EPHB1: variants seen among roughly 807,000 people sequenced by gnomAD.
The protein encoded by EPHB1 is ephrin type-B receptor 1.
In EPHB1, 30 loss-of-function variants were observed where a neutral mutation model predicts 94.4. The ratio of observed to expected loss-of-function variants is 0.32; its 90% confidence interval spans 0.24 to 0.43. The LOEUF (loss-of-function observed/expected upper bound fraction) is 0.43, where lower values mean the gene tolerates loss of function less well. EPHB1 is among the 20% of genes least tolerant of loss of function. EPHB1 has a pLI of 1.00. For synonymous variants in EPHB1, 522 were observed against 489.1 expected, an observed-to-expected ratio of 1.07 and a Z score of -0.89; for missense variants, 1,055 against 1,308.3, an observed-to-expected ratio of 0.81 and a Z score of 2.99.
chr3:135,068,797 T>C (rs1056187520), intron 3 of EPHB1, among the ~76,000 whole-genome samples: 81 of 151,592 alleles, frequency 5.3e-4, no homozygotes, highest in African/African-American at 1.9e-3. Flanking sequence ...TACAGGTGCC[T>C]GCCACCACAC....
chr3:135,253,707 G>A (rs1240603370), intron 15 of EPHB1, among the ~76,000 whole-genome samples: 1 of 146,352 alleles, frequency 6.8e-6, no homozygotes, highest in South Asian at 2.2e-4. Context: ...CTCTTTTTTG[G>A]TTCCATATGA....
chr3:135,150,247 C>T (rs1426172940), intron 5 of EPHB1, among the ~76,000 whole-genome samples: 3 of 152,198 alleles, frequency 2.0e-5, no homozygotes, highest in African/African-American at 4.8e-5. Context: ...TGACGTGATT[C>T]ACAACATGTA....
chr3:134,861,809 C>T (rs2108304124), intron 1 of EPHB1, among the ~76,000 whole-genome samples: 1 of 152,254 alleles, frequency 6.6e-6, no homozygotes, highest in South Asian at 2.1e-4. Context: ...TGCAGCAAAC[C>T]ACTATGGCAC....
intron 3 of EPHB1, among the ~76,000 whole-genome samples, chr3:135,084,572 C>T (rs1360323814): frequency 2.0e-5 from 3 of 152,140 alleles, no homozygotes; most frequent in Non-Finnish European, 4.4e-5. Context: ...CAGATCGATG[C>T]ATCTAATCTA....
chr3:134,799,341 G>T (rs1270675160), intron 1 of EPHB1, among the ~76,000 whole-genome samples: 1 of 152,218 alleles, frequency 6.6e-6, no homozygotes, highest in East Asian at 1.9e-4. Flanking sequence ...CCATGAACGT[G>T]CTTGAGCCTA....
chr3:134,841,037 GC>G (rs1021944700), intron 1 of EPHB1, among the ~76,000 whole-genome samples: 6 of 152,188 alleles, frequency 3.9e-5, no homozygotes, highest in Non-Finnish European at 7.3e-5. Flanking sequence ...TGGGGTATGG[GC>G]CCCTTCCCTG....
intron 3 of EPHB1, among the ~76,000 whole-genome samples, chr3:134,952,451 T>C (rs763542699): frequency 3.9e-5 from 6 of 152,088 alleles, no homozygotes; most frequent in African/African-American, 7.2e-5. Flanking sequence ...CTGGAGACTT[T>C]GGAATTTGGG....
chr3:134,805,890 A>G (rs2036034171), intron 1 of EPHB1, among the ~76,000 whole-genome samples: 1 of 152,000 alleles, frequency 6.6e-6, no homozygotes, highest in South Asian at 2.1e-4. Flanking sequence ...ATGGGATCAC[A>G]TTCCACACTG....
chr3:134,910,841 T>C (rs2038438635), intron 1 of EPHB1, among the ~76,000 whole-genome samples: 1 of 152,228 alleles, frequency 6.6e-6, no homozygotes, highest in African/African-American at 2.4e-5. Context: ...TGGTGGTCCA[T>C]TGATTCCAGC....
At chr3:134,896,979 G>A (rs1281990508) in intron 1 of EPHB1, among the ~76,000 whole-genome samples, 1 of 152,234 alleles carries the variant, frequency 6.6e-6, no homozygotes. Context: ...GTCACCAGGG[G>A]GCTGTATGGA....
chr3:135,151,105 A>G (rs1350542616), intron 5 of EPHB1, among the ~76,000 whole-genome samples: 15 of 152,114 alleles, frequency 9.9e-5, no homozygotes, highest in Non-Finnish European at 4.4e-5. Context: ...TTTCCCAGCT[A>G]TATTACTACA....
chr3:135,191,762 G>T (rs1362173450), intron 10 of EPHB1, among the ~76,000 whole-genome samples: 1 of 152,158 alleles, frequency 6.6e-6, no homozygotes, highest in Admixed American at 6.6e-5. Context: ...TGCCTGTTTG[G>T]AGAAATAACT....
intron 4 of EPHB1, among the ~76,000 whole-genome samples, chr3:135,109,287 C>G (rs1207431729): frequency 1.3e-5 from 2 of 152,208 alleles, no homozygotes; most frequent in African/African-American, 4.8e-5. Flanking sequence ...ACAAAAGTTT[C>G]AAACTTGATT....
At chr3:135,246,790 C>G (rs574436900) in intron 13 of EPHB1, among the ~76,000 whole-genome samples, 1 of 152,052 alleles carries the variant, frequency 6.6e-6, no homozygotes, top group Non-Finnish European at 1.5e-5. Flanking sequence ...TTAAATATAG[C>G]GATAAAATTG....
At chr3:135,215,655 A>G (rs1943134157) in intron 12 of EPHB1, among the ~76,000 whole-genome samples, 1 of 152,218 alleles carries the variant, frequency 6.6e-6, no homozygotes, top group Non-Finnish European at 1.5e-5. Flanking sequence ...TCAAGAGAGA[A>G]CAGGGGAAAA....
At chr3:134,937,273 T>C (rs1231255557) in intron 2 of EPHB1, among the ~76,000 whole-genome samples, 1 of 152,186 alleles carries the variant, frequency 6.6e-6, no homozygotes, top group Non-Finnish European at 1.5e-5. Context: ...GAAAAAGCAG[T>C]CCCTGAAGTG....
intron 7 of EPHB1, among the ~76,000 whole-genome samples, chr3:135,162,654 A>T (rs1941541170): frequency 6.6e-6 from 1 of 152,188 alleles, no homozygotes; most frequent in African/African-American, 2.4e-5. Context: ...ATTTGAAGCA[A>T]CTTCACATGT....
chr3:134,980,759 A>G (rs895412540), intron 3 of EPHB1, among the ~76,000 whole-genome samples: 12 of 152,220 alleles, frequency 7.9e-5, no homozygotes, highest in African/African-American at 2.7e-4. Context: ...GTCTTCATGT[A>G]AGATGAGTTA....
intron 3 of EPHB1, among the ~76,000 whole-genome samples, chr3:135,080,625 A>T (rs1938131512): frequency 6.6e-6 from 1 of 152,018 alleles, no homozygotes; most frequent in South Asian, 2.1e-4. Context: ...TGGCAGTGGG[A>T]CAATTTGACA....
Sources: gnomAD v4.1 joint callset for allele counts (sites outside exome capture counted in the v4.1 genomes callset) on GRCh38, gnomAD v4.1.1 for gene constraint, MANE v1.5 for transcripts, NCBI Gene and HGNC (gene_info 2026-07-23, HGNC 2026-07-21) for gene names.